SETDB1: variants seen among roughly 807,000 people sequenced by gnomAD.
SETDB1 encodes the protein SET domain bifurcated histone lysine methyltransferase 1.
Under a neutral mutation model 137.4 loss-of-function variants are expected in SETDB1, and 31 were observed. That is an observed-to-expected ratio of 0.23 (90% confidence interval 0.17 to 0.30). The LOEUF (loss-of-function observed/expected upper bound fraction) is 0.30, where lower values mean the gene tolerates loss of function less well. SETDB1 is among the 10% of genes least tolerant of loss of function. The pLI, the probability that SETDB1 is intolerant of heterozygous loss-of-function variation, is 1.00. For synonymous variants in SETDB1, 548 were observed against 579.9 expected, an observed-to-expected ratio of 0.95 and a Z score of 0.79; for missense variants, 1,113 against 1,631.5, an observed-to-expected ratio of 0.68 and a Z score of 5.47.
At chr1:150,942,430 GA>G in intron 5 of SETDB1, 132 bp from the exon 6 acceptor site, 1 of 670,666 alleles carries the variant, frequency 1.5e-6, no homozygotes, top group Non-Finnish European at 2.5e-6. Context: ...CCTGGTGACA[GA>G]GTGAGACTCC....
rs76374673 is a variant in SETDB1 at position 150,935,634 on chromosome 1, T to G, written c.413-4306T>G. On this transcript the variant is annotated intron_variant, in intron 3 of 21. Transcript: ENST00000692827. Reference sequence around the variant, plus strand: ...TGACTCCTGTTGTGACTCTGCCACTTAGCCCCTCTAATATGTATTTCATTT... The same window carrying G: ...TGACTCCTGTTGTGACTCTGCCACTGAGCCCCTCTAATATGTATTTCATTT... Among the ~76,000 whole-genome samples the G allele has an allele frequency of 8.4e-3, 1,283 of 152,318 alleles. 7 individuals are homozygous for G. Among genetic ancestry groups the G allele is most frequent in the Non-Finnish European group, 0.012 (809 of 68,032 alleles).
Position 150,964,368 on chromosome 1 carries a change from A to G in SETDB1, c.*4A>G. 1.0e-5 allele frequency: 16 copies of G among 1,600,266 alleles called. No homozygotes were observed. Among genetic ancestry groups the G allele is most frequent in the Non-Finnish European group, 1.4e-5 (16 of 1,167,472 alleles). On this transcript the variant is annotated 3_prime_UTR_variant, in exon 22 of 22. Coordinates refer to ENST00000692827, the MANE Select transcript of SETDB1 (RefSeq NM_001366418.1). The stretch of plus-strand genomic sequence containing the variant: ...ATGCAGAGGACGTCTTCTTTAGAGG[A>G]CAGCCTTCTTCCCAACCCTTCTTGA...
In SETDB1 at chr1:150,964,580, G is replaced by A. The variant is rs1418495628; in HGVS notation, c.*216G>A. 1.3e-5 allele frequency: 9 copies of A among 693,186 alleles called. No homozygotes were observed. Among genetic ancestry groups the A allele is most frequent in the Non-Finnish European group, 2.4e-5 (9 of 379,634 alleles). The allele number at this position is 693,186 out of a possible 1,614,324, so 42.9% of individuals were successfully genotyped here. A position where few individuals can be genotyped will look rare whatever the true frequency, so the allele number is the denominator to read the frequency against. The stretch of plus-strand genomic sequence containing the variant: ...CCAAAGGCCCTAAAGGGTGGGGAGA[G>A]ATCACCACTCTAACCTCGGCCTGAC... On this transcript the variant is annotated 3_prime_UTR_variant, in exon 22 of 22. Transcript: ENST00000692827.
chr1:150,942,360 T>C (rs1670190795), intron 5 of SETDB1, among the ~76,000 whole-genome samples: 1 of 149,214 alleles, frequency 6.7e-6, no homozygotes, highest in Admixed American at 6.8e-5. Context: ...GGCAGGAGAA[T>C]CGCTGGAACC....
At chr1:150,935,425 G>T (rs587601462) in intron 3 of SETDB1, among the ~76,000 whole-genome samples, 29 of 148,514 alleles carry the variant, frequency 2.0e-4, no homozygotes, top group African/African-American at 6.6e-4. Context: ...TTTCTTCATG[G>T]TTTTTTTTTT....
chr1:150,934,211 G>A (rs908704680), intron 3 of SETDB1, among the ~76,000 whole-genome samples: 7 of 152,038 alleles, frequency 4.6e-5, no homozygotes, highest in African/African-American at 1.7e-4. Context: ...GGTGGCTGAC[G>A]CCTGTAATCC....
intron 14 of SETDB1, among the ~76,000 whole-genome samples, chr1:150,954,964 C>T (rs943836762): frequency 6.6e-6 from 1 of 152,132 alleles, no homozygotes; most frequent in East Asian, 1.9e-4. Context: ...AGAGAAGAGC[C>T]ACTGCAGGAG....
chr1:150,948,704 C>G (rs761668216), intron 10 of SETDB1, among the ~76,000 whole-genome samples: 1 of 151,852 alleles, frequency 6.6e-6, no homozygotes, highest in Non-Finnish European at 1.5e-5. Flanking sequence ...AGTCTAAGCA[C>G]TTACTCAAAA....
intron 3 of SETDB1, among the ~76,000 whole-genome samples, chr1:150,934,280 G>A (rs111545758): frequency 1.3e-5 from 2 of 152,030 alleles, no homozygotes; most frequent in Non-Finnish European, 2.9e-5. Flanking sequence ...AAACCATCCC[G>A]GCTAACACGG....
intron 7 of SETDB1, 30 bp downstream of exon 7, chr1:150,943,083 G>A (rs1670212180): frequency 1.3e-6 from 2 of 1,540,590 alleles, no homozygotes; most frequent in East Asian, 2.2e-5. Flanking sequence ...TAAAGGGGTA[G>A]AGGCTGGGAG....
rs587657325 is a variant in SETDB1 at position 150,932,237 on chromosome 1, A to T, written c.412+2119A>T. Among the ~76,000 whole-genome samples, 836 of 146,346 alleles carry T rather than the reference A, an allele frequency of 5.7e-3. 6 individuals carry two copies. Among genetic ancestry groups the T allele is most frequent in the Non-Finnish European group, 8.4e-3 (552 of 65,764 alleles). On this transcript the variant is annotated intron_variant, in intron 3 of 21. Transcript: ENST00000692827. ...CCCTTCTCTAATTTTTTTTTTTTTA[A>T]AAAAAAAGAAAGAAAAAAATTTTTA...
Position 150,963,093 on chromosome 1 carries a change from C to G in SETDB1, c.3414C>G (p.Ser1138=), listed in dbSNP as rs375142314. 6.2e-7 allele frequency: 1 copy of G among 1,614,136 alleles called. No homozygotes were observed. The highest frequency in any genetic ancestry group is 2.2e-5 in the East Asian group (1 of 44,876). Residue 1138 remains serine, a synonymous_variant, in exon 19 of 22, where the codon TCC becomes TCG. Transcript: ENST00000692827. The part of the protein sequence containing the change: ...AVDSDDIQTI[S]SGSEGDDFED... ...ACAGTGATGATATCCAGACCATATC[C>G]TCTGGCTCTGAAGGGGATGACTTTG...
At chr1:150,937,826 G>A (rs972563469) in intron 3 of SETDB1, among the ~76,000 whole-genome samples, 1 of 152,094 alleles carries the variant, frequency 6.6e-6, no homozygotes, top group Non-Finnish European at 1.5e-5. Context: ...TTCATAATAG[G>A]CAAAAGTAGA....
At chr1:150,957,415 A>G (rs1670676331) in intron 14 of SETDB1, among the ~76,000 whole-genome samples, 1 of 152,196 alleles carries the variant, frequency 6.6e-6, no homozygotes, top group Admixed American at 6.5e-5. Flanking sequence ...GCCAAACACA[A>G]AAGTATATGC....
rs373481235 is a variant in SETDB1, at chr1:150,949,214, A to G, written c.1360A>G (p.Thr454Ala). Residue 454 changes from threonine to alanine, a missense_variant, in exon 11 of 22, where the codon ACA becomes GCA. Physicochemically the swap from Thr to Ala is moderately conservative, Grantham distance 58. Around this residue, in one of 11 missense-constraint regions of SETDB1, gnomAD observed 192 missense variants for 198.1 expected, o/e 0.97. Transcript: ENST00000692827. ...QFKPVEPPQPTAPPAPPFPPA... is the reference protein window; with the variant it reads ...QFKPVEPPQPAAPPAPPFPPA... ...CAAGCCAGTGGAACCCCCACAGCCT[A>G]CAGCTCCACCTGCCCCACCTTTCCC... is the stretch of plus-strand genomic sequence containing the variant. 38 of 1,613,976 alleles carry G rather than the reference A, an allele frequency of 2.4e-5. No homozygotes were observed. Among genetic ancestry groups the G allele is most frequent in the Non-Finnish European group, 3.2e-5 (38 of 1,180,006 alleles).
chr1:150,927,198 C>T (rs1277715297), intron 1 of SETDB1, among the ~76,000 whole-genome samples: 1 of 152,180 alleles, frequency 6.6e-6, no homozygotes, highest in Non-Finnish European at 1.5e-5. Flanking sequence ...GCGAACATAG[C>T]TCACTACAGC....
chr1:150,933,661 G>A (rs1669840425), intron 3 of SETDB1, among the ~76,000 whole-genome samples: 2 of 151,636 alleles, frequency 1.3e-5, no homozygotes, highest in South Asian at 4.2e-4. Flanking sequence ...ACAGGCGTGA[G>A]CCACTGTGCC....
At chr1:150,927,672 C>T in intron 1 of SETDB1, 32 bp from the exon 2 acceptor site, 1 of 1,598,130 alleles carries the variant, frequency 6.3e-7, no homozygotes, top group Non-Finnish European at 8.5e-7. Context: ...GTTATAAGGA[C>T]TCCAATTTAA....
rs587673296 is a variant in SETDB1 at position 150,941,803 on chromosome 1, G to A, written c.547+375G>A. 1.6e-4 allele frequency among the ~76,000 whole-genome samples: 25 copies of A among 151,880 alleles called. No homozygotes were observed. In the South Asian group the frequency reaches 3.1e-3, roughly 19 times the overall value. On this transcript the variant is annotated intron_variant, in intron 5 of 21. Transcript: ENST00000692827. Reference sequence around the variant, plus strand: ...AGGCCCAGCATTAAAGACCAGCCTCGGCAACATAGTGAAACCCCATCTCTA... The same window carrying A: ...AGGCCCAGCATTAAAGACCAGCCTCAGCAACATAGTGAAACCCCATCTCTA...
Sources: allele counts gnomAD v4.1 joint callset (sites outside exome capture counted in the v4.1 genomes callset), GRCh38; gene constraint gnomAD v4.1.1; regional missense constraint gnomAD v4.1.1; transcripts MANE v1.5; gene names NCBI Gene and HGNC (gene_info 2026-07-23, HGNC 2026-07-21).